The following SKAP1 variants were observed in gnomAD, a reference collection of about 807,000 sequenced individuals.
The protein encoded by SKAP1 is src kinase-associated phosphoprotein 1.
SKAP1 carries 44 observed loss-of-function variants against 58.5 expected under a neutral mutation model. The ratio of observed to expected loss-of-function variants is 0.75; its 90% CI spans 0.59 to 0.97. SKAP1 has a LOEUF of 0.97. Among genes scored for constraint, SKAP1 ranks in the 50% least tolerant of loss-of-function variants. The pLI is 0.00. For missense variants in SKAP1, 390 were observed against 435.2 expected (o/e 0.90, Z 0.92); for synonymous variants, 127 against 149.7 (o/e 0.85, Z 1.11).
chr17:48,361,621 T>C (rs935905214), intron 3 of SKAP1, among the ~76,000 whole-genome samples: 4 of 152,244 alleles, frequency 2.6e-5, no homozygotes, highest in Admixed American at 6.5e-5. Context: ...TTCAAATATC[T>C]TGAAGAACTC....
chr17:48,248,910 A>C (rs1465760714), intron 4 of SKAP1: 1 of 152,146 alleles, frequency 6.6e-6, no homozygotes. Flanking sequence ...AAGAACATTT[A>C]ATTAGGCCGG....
chr17:48,404,244 G>T (rs535784796), intron 1 of SKAP1, among the ~76,000 whole-genome samples: 1 of 152,140 alleles, frequency 6.6e-6, no homozygotes, highest in East Asian at 1.9e-4. Context: ...CCTGAGGTTG[G>T]GAGTTCAAGA....
chr17:48,432,265 C>A (rs1598697932), upstream of SKAP1, among the ~76,000 whole-genome samples: 2 of 152,102 alleles, frequency 1.3e-5, no homozygotes, highest in Admixed American at 1.3e-4. Context: ...CCCGTCTCTA[C>A]TAATAATACA....
chr17:48,283,299 T>C (rs2144042433), intron 4 of SKAP1, among the ~76,000 whole-genome samples: 1 of 152,244 alleles, frequency 6.6e-6, no homozygotes, highest in African/African-American at 2.4e-5. Flanking sequence ...GTATCTAAAA[T>C]TCAGATGTAA....
chr17:48,267,492 A>G (rs547668804), intron 4 of SKAP1, among the ~76,000 whole-genome samples: 1 of 152,312 alleles, frequency 6.6e-6, no homozygotes, highest in Non-Finnish European at 1.5e-5. Flanking sequence ...ACTTCAAATT[A>G]CCACTTGGTA....
chr17:48,412,376 T>C (rs888384825), intron 1 of SKAP1, among the ~76,000 whole-genome samples: 20 of 152,320 alleles, frequency 1.3e-4, no homozygotes, highest in African/African-American at 4.6e-4. Flanking sequence ...TCTAAATATA[T>C]GTGTTTTGGA....
chr17:48,365,018 G>T (rs2066984438), intron 2 of SKAP1, among the ~76,000 whole-genome samples: 1 of 151,920 alleles, frequency 6.6e-6, no homozygotes, highest in African/African-American at 2.4e-5. Flanking sequence ...CATGTAGCTG[G>T]GGCCACAGGC....
chr17:48,206,237 AT>A (rs932594645), intron 4 of SKAP1, among the ~76,000 whole-genome samples: 15 of 152,016 alleles, frequency 9.9e-5, no homozygotes, highest in African/African-American at 2.9e-4. Flanking sequence ...AAAAACAAGA[AT>A]TTTTTTTACA....
intron 11 of SKAP1, among the ~76,000 whole-genome samples, chr17:48,155,622 C>T (rs191523298): frequency 4.6e-5 from 7 of 151,030 alleles, no homozygotes; most frequent in Non-Finnish European, 8.8e-5. Context: ...TTTGGAAGGC[C>T]GAGGCAGATG....
chr17:48,243,630 T>A (rs2065264777), intron 4 of SKAP1, among the ~76,000 whole-genome samples: 1 of 152,186 alleles, frequency 6.6e-6, no homozygotes, highest in South Asian at 2.1e-4. Flanking sequence ...ATAAAAAATT[T>A]AATCTGTACT....
chr17:48,137,465 T>G, intron 11 of SKAP1, 128 bp from the exon 12 acceptor site: 4 of 565,406 alleles, frequency 7.1e-6, no homozygotes, highest in Non-Finnish European at 1.3e-5. Context: ...AACTGTTAAC[T>G]TCCCTGATGG....
At chr17:48,193,819 G>A (rs937260115) in intron 4 of SKAP1, 6 of 716,994 alleles carry the variant, frequency 8.4e-6, no homozygotes, top group Non-Finnish European at 1.0e-5. Context: ...ATGCATAATA[G>A]AAAGTATGTA....
intron 2 of SKAP1, among the ~76,000 whole-genome samples, chr17:48,366,617 CT>C (rs2067005939): frequency 6.6e-6 from 1 of 152,096 alleles, no homozygotes; most frequent in South Asian, 2.1e-4. Flanking sequence ...CAATCTCCAC[CT>C]AGCAGACAGT....
At chr17:48,285,657 A>G (rs1351975436) in intron 4 of SKAP1, among the ~76,000 whole-genome samples, 1 of 150,658 alleles carries the variant, frequency 6.6e-6, no homozygotes, top group Non-Finnish European at 1.5e-5. Flanking sequence ...AATATTTCCT[A>G]TGAGCCCTTT....
intron 10 of SKAP1, 193 bp from the exon 11 acceptor site, chr17:48,162,762 C>T: frequency 2.1e-6 from 1 of 478,414 alleles, no homozygotes; most frequent in Non-Finnish European, 3.7e-6. Context: ...CATTAACTAA[C>T]ATTAAATATT....
chr17:48,214,775 A>C (rs1038120846), intron 4 of SKAP1, among the ~76,000 whole-genome samples: 70 of 151,716 alleles, frequency 4.6e-4, no homozygotes, highest in African/African-American at 1.5e-3. Flanking sequence ...TACAAAAATT[A>C]GCCAGGCATA....
chr17:48,354,238 G>C (rs914087319), intron 3 of SKAP1, among the ~76,000 whole-genome samples: 4 of 152,058 alleles, frequency 2.6e-5, no homozygotes, highest in Non-Finnish European at 5.9e-5. Flanking sequence ...ACTCCAAACA[G>C]GGATTCTCAT....
chr17:48,411,470 G>T (rs892799307), intron 1 of SKAP1, among the ~76,000 whole-genome samples: 3 of 151,974 alleles, frequency 2.0e-5, no homozygotes, highest in Non-Finnish European at 4.4e-5. Context: ...CAGTGCAGAA[G>T]AATTTCAAAT....
At chr17:48,431,368 A>G (rs533687740), upstream of SKAP1, among the ~76,000 whole-genome samples, 1 of 152,246 alleles carries the variant, frequency 6.6e-6, no homozygotes, top group East Asian at 1.9e-4. Context: ...TTAAAGGTGC[A>G]TGTGGTGTTT....
Sources: allele counts gnomAD v4.1 joint callset (sites outside exome capture counted in the v4.1 genomes callset), GRCh38; gene constraint gnomAD v4.1.1; transcripts MANE v1.5; gene names NCBI Gene and HGNC (gene_info 2026-07-23, HGNC 2026-07-21).